The following ZNF536 variants were observed in gnomAD, a reference collection of about 807,000 sequenced individuals.
ZNF536 encodes zinc finger protein 536.
A neutral mutation model predicts 84.5 loss-of-function variants in ZNF536; 13 were observed. That is an observed-to-expected ratio of 0.15 (90% confidence interval 0.10 to 0.24). ZNF536 has a LOEUF of 0.24. Among genes scored for constraint, ZNF536 ranks in the 10% least tolerant of loss-of-function variants. ZNF536 has a pLI of 1.00. For missense variants in ZNF536, 1,536 were observed against 1,747.5 expected, an observed-to-expected ratio of 0.88 and a Z score of 2.16; for synonymous variants, 811 against 742.5, an observed-to-expected ratio of 1.09 and a Z score of -1.50.
At chr19:30,542,843 A>G (rs2045385974) in intron 3 of ZNF536, among the ~76,000 whole-genome samples, 2 of 152,074 alleles carry the variant, frequency 1.3e-5, no homozygotes, top group Non-Finnish European at 2.9e-5. Flanking sequence ...ACAGGGTCTC[A>G]CTCTATCCCC....
Position 30,232,906 on chromosome 19 carries a change from A to G in ZNF536, c.-190+4233A>G, listed in dbSNP as rs555524566. 4.6e-5 allele frequency among the ~76,000 whole-genome samples: 7 copies of G among 152,330 alleles called. No individual in the cohort carries two copies. In the South Asian group the frequency reaches 1.0e-3, roughly 23 times the overall value. ...ATCAAAAATGTCTCCAGACATTTCT[A>G]TATCTCCCTTGGGGAGAATCAAGCT... On this transcript the variant is annotated intron_variant, in intron 1 of 5. Transcript: ENST00000585628.
At chr19:30,362,532 A>C (rs1035814194) in intron 3 of ZNF536, among the ~76,000 whole-genome samples, 4 of 152,156 alleles carry the variant, frequency 2.6e-5, no homozygotes, top group African/African-American at 9.7e-5. Flanking sequence ...TGTGGAAGGA[A>C]GTCGTGCAGG....
chr19:30,325,981 T>A (rs1418052432), intron 2 of ZNF536, among the ~76,000 whole-genome samples: 2 of 152,220 alleles, frequency 1.3e-5, no homozygotes, highest in African/African-American at 4.8e-5. Flanking sequence ...GTCTCCTCTC[T>A]GCTAAATCAC....
At chr19:30,709,142 T>C (rs2052361830) in intron 1 of ZNF536, among the ~76,000 whole-genome samples, 1 of 152,130 alleles carries the variant, frequency 6.6e-6, no homozygotes, top group African/African-American at 2.4e-5. Flanking sequence ...CTGTGACGCA[T>C]CAGGGTAGAG....
intron 1 of ZNF536, among the ~76,000 whole-genome samples, chr19:30,688,468 TA>T (rs2051283955): frequency 6.6e-6 from 1 of 152,208 alleles, no homozygotes; most frequent in Non-Finnish European, 1.5e-5. Flanking sequence ...ATCACTCACT[TA>T]GTTATCTACA....
chr19:30,712,194 T>C (rs1037341048), exon 2 of ZNF536: 21 of 152,182 alleles, frequency 1.4e-4, no homozygotes, highest in Admixed American at 5.2e-4. Context: ...TCCAAATTTA[T>C]CAAGTTCTGC....
chr19:30,464,123 C>A (rs553435363), intron 2 of ZNF536, among the ~76,000 whole-genome samples: 1 of 152,160 alleles, frequency 6.6e-6, no homozygotes, highest in African/African-American at 2.4e-5. Flanking sequence ...CTTAGGTCTG[C>A]GGAGTGTTTA....
chr19:30,237,685 C>G (rs781051316), intron 1 of ZNF536, among the ~76,000 whole-genome samples: 2 of 151,930 alleles, frequency 1.3e-5, no homozygotes, highest in Non-Finnish European at 1.5e-5. Flanking sequence ...AAGGAGGATT[C>G]TTTGTGTGCA....
intron 1 of ZNF536, among the ~76,000 whole-genome samples, chr19:30,674,665 C>T (rs564302231): frequency 2.6e-5 from 4 of 152,276 alleles, no homozygotes; most frequent in African/African-American, 9.6e-5. Flanking sequence ...TGCTGCCCAT[C>T]GTGGGTGGAG....
chr19:30,342,389 G>C (rs2047592827), intron 2 of ZNF536, among the ~76,000 whole-genome samples: 1 of 152,060 alleles, frequency 6.6e-6, no homozygotes, highest in Non-Finnish European at 1.5e-5. Flanking sequence ...TCTTTAAAAA[G>C]ATATTTTCTT....
intron 2 of ZNF536, among the ~76,000 whole-genome samples, chr19:30,290,034 T>C (rs2045781855): frequency 6.6e-6 from 1 of 152,190 alleles, no homozygotes; most frequent in Non-Finnish European, 1.5e-5. Context: ...CCATTCTCCC[T>C]ACCCATTCCA....
In ZNF536 at chr19:30,240,949, C is replaced by G. The variant is rs368289615; in HGVS notation, c.-190+12276C>G. 3.9e-5 allele frequency among the ~76,000 whole-genome samples: 6 copies of G among 152,278 alleles called. No homozygotes were observed. In the East Asian group the frequency reaches 1.2e-3, roughly 29 times the overall value. On this transcript the variant is annotated intron_variant, in intron 1 of 5. Transcript: ENST00000585628. ...TTGGAACTGTTTGGGGTCCTGGGGA[C>G]ATAACAGTGAACAAACCGATTCATA...
intron 2 of ZNF536, among the ~76,000 whole-genome samples, chr19:30,288,586 C>A (rs9304801): frequency 0.31 from 46,619 of 152,154 alleles, 9,734 homozygotes; most frequent in East Asian, 0.61. Context: ...AATGACCTCT[C>A]TGTCTGACAA....
intron 2 of ZNF536, among the ~76,000 whole-genome samples, chr19:30,454,897 G>A (rs2052767281): frequency 6.6e-6 from 1 of 152,202 alleles, no homozygotes; most frequent in African/African-American, 2.4e-5. Flanking sequence ...ACCGGGCTTG[G>A]TTGTGGGCGC....
chr19:30,626,106 T>C (rs549840325), intron 1 of ZNF536, among the ~76,000 whole-genome samples: 3 of 152,368 alleles, frequency 2.0e-5, no homozygotes, highest in South Asian at 4.1e-4. Context: ...TGCTACCGGC[T>C]GAGTCTGTCT....
intron 1 of ZNF536, among the ~76,000 whole-genome samples, chr19:30,619,559 C>G (rs1322697048): frequency 6.6e-6 from 1 of 152,192 alleles, no homozygotes; most frequent in Non-Finnish European, 1.5e-5. Flanking sequence ...AAAGAGGAGA[C>G]TTTTTCAGGA....
At chr19:30,521,371 G>A (rs1205276978) in intron 2 of ZNF536, among the ~76,000 whole-genome samples, 1 of 152,138 alleles carries the variant, frequency 6.6e-6, no homozygotes, top group Non-Finnish European at 1.5e-5. Context: ...TGCTTCTTCT[G>A]GGGGGCTTGT....
chr19:30,478,386 G>T (rs1182931465), intron 2 of ZNF536, among the ~76,000 whole-genome samples: 1 of 152,004 alleles, frequency 6.6e-6, no homozygotes, highest in Admixed American at 6.6e-5. Context: ...GGGGTAGGGG[G>T]CTTCCTGCTG....
At chr19:30,568,303 C>T (rs1422401813) in intron 1 of ZNF536, among the ~76,000 whole-genome samples, 2 of 151,992 alleles carry the variant, frequency 1.3e-5, no homozygotes, top group African/African-American at 2.4e-5. Context: ...TGGGAGTTTC[C>T]GGGGGAAGAG....
Sources: allele counts gnomAD v4.1 joint callset (sites outside exome capture counted in the v4.1 genomes callset), GRCh38; gene constraint gnomAD v4.1.1; transcripts MANE v1.5; gene names NCBI Gene and HGNC (gene_info 2026-07-23, HGNC 2026-07-21).